Variants in ASIC2 observed in about 807,000 individuals in gnomAD.
ASIC2 encodes acid sensing ion channel subunit 2.
A neutral mutation model predicts 57.3 loss-of-function variants in ASIC2; 25 were observed. The ratio of observed to expected loss-of-function variants is 0.44; its 90% CI spans 0.32 to 0.61. The LOEUF is 0.61. Ranked by LOEUF, ASIC2 falls within the 20% of genes least tolerant of loss-of-function variation. The pLI is 0.06. For missense variants in ASIC2, 641 were observed against 738.1 expected (o/e 0.87, Z 1.52); for synonymous variants, 319 against 307.5 (o/e 1.04, Z -0.39).
chr17:33,318,126 G>A (rs1906730783), intron 1 of ASIC2, among the ~76,000 whole-genome samples: 1 of 152,114 alleles, frequency 6.6e-6, no homozygotes. Context: ...CGACATTGCG[G>A]GGTGGGTGGA....
intron 1 of ASIC2, among the ~76,000 whole-genome samples, chr17:33,945,460 T>C (rs1301122711): frequency 6.6e-6 from 1 of 152,144 alleles, no homozygotes; most frequent in African/African-American, 2.4e-5. Context: ...AAAATGGTAC[T>C]AGACGACAAA....
At chr17:33,143,906 A>G (rs763830454) in intron 1 of ASIC2, among the ~76,000 whole-genome samples, 1 of 152,200 alleles carries the variant, frequency 6.6e-6, no homozygotes, top group Non-Finnish European at 1.5e-5. Flanking sequence ...ATGTCCAACA[A>G]TAGGAGAAAG....
chr17:33,597,926 G>A (rs536210112), intron 1 of ASIC2, among the ~76,000 whole-genome samples: 2 of 151,864 alleles, frequency 1.3e-5, no homozygotes, highest in African/African-American at 2.4e-5. Flanking sequence ...AATTCAATAC[G>A]TGCAGAATGT....
intron 3 of ASIC2, 23 bp from the exon 4 acceptor site, chr17:33,028,415 C>T (rs534606534): frequency 1.2e-5 from 19 of 1,613,220 alleles, no homozygotes; most frequent in Admixed American, 1.2e-4. Context: ...AAGGAGGGGG[C>T]GGCAGTCAGC....
chr17:34,154,945 C>T (rs1904658510), intron 1 of ASIC2, among the ~76,000 whole-genome samples: 1 of 152,106 alleles, frequency 6.6e-6, no homozygotes, highest in Non-Finnish European at 1.5e-5. Flanking sequence ...CAAGTTATGC[C>T]TAGCAGCCCA....
intron 1 of ASIC2, among the ~76,000 whole-genome samples, chr17:33,721,382 T>C (rs557257371): frequency 1.3e-5 from 2 of 152,346 alleles, no homozygotes; most frequent in South Asian, 4.1e-4. Flanking sequence ...CAATGAAATA[T>C]GATCAGAGAT....
intron 1 of ASIC2, among the ~76,000 whole-genome samples, chr17:33,443,595 T>C (rs909688014): frequency 6.7e-6 from 1 of 149,912 alleles, no homozygotes; most frequent in African/African-American, 2.5e-5. Flanking sequence ...TTTTTGTATT[T>C]TTAGTAGAGA....
chr17:33,661,944 T>C (rs944036447), intron 1 of ASIC2, among the ~76,000 whole-genome samples: 2 of 152,218 alleles, frequency 1.3e-5, no homozygotes, highest in Admixed American at 1.3e-4. Flanking sequence ...TACTTCGCTC[T>C]GTCCCCCTCT....
At chr17:34,125,358 G>A (rs1017982373) in intron 1 of ASIC2, among the ~76,000 whole-genome samples, 2 of 152,130 alleles carry the variant, frequency 1.3e-5, no homozygotes, top group African/African-American at 4.8e-5. Context: ...ATTAACTTGG[G>A]TGCAGATGAT....
At chr17:33,306,711 C>T (rs1401710304) in intron 1 of ASIC2, among the ~76,000 whole-genome samples, 1 of 152,146 alleles carries the variant, frequency 6.6e-6, no homozygotes, top group South Asian at 2.1e-4. Context: ...TAACTGGGCT[C>T]CTTGTCTTTG....
intron 1 of ASIC2, among the ~76,000 whole-genome samples, chr17:34,119,606 TACACAG>T (rs796900987): frequency 0.027 from 3,408 of 127,492 alleles, 143 homozygotes; most frequent in African/African-American, 0.11. Flanking sequence ...TCCCTTTCTC[TACACAG>T]ACACACACAC....
chr17:34,138,220 T>TA (rs1912177008), intron 1 of ASIC2, among the ~76,000 whole-genome samples: 1 of 151,792 alleles, frequency 6.6e-6, no homozygotes, highest in Admixed American at 6.6e-5. Flanking sequence ...ATGAGAGGAG[T>TA]AAAAGTACCT....
At chr17:33,055,143 A>C (rs950830753) in intron 3 of ASIC2, among the ~76,000 whole-genome samples, 3 of 152,194 alleles carry the variant, frequency 2.0e-5, no homozygotes, top group Non-Finnish European at 4.4e-5. Context: ...CATAGGTTTT[A>C]CAAGCTCAAA....
At chr17:33,481,768 G>A (rs980085015) in intron 1 of ASIC2, among the ~76,000 whole-genome samples, 1 of 152,188 alleles carries the variant, frequency 6.6e-6, no homozygotes, top group Non-Finnish European at 1.5e-5. Flanking sequence ...TTGGGCTAGA[G>A]TTCTGTGCCT....
chr17:33,787,359 C>A (rs2142133456), intron 1 of ASIC2, among the ~76,000 whole-genome samples: 1 of 152,288 alleles, frequency 6.6e-6, no homozygotes, highest in South Asian at 2.1e-4. Flanking sequence ...GGGACCAGAC[C>A]TGTATTCACA....
intron 1 of ASIC2, among the ~76,000 whole-genome samples, chr17:33,113,865 T>G (rs1392654906): frequency 6.6e-6 from 1 of 152,214 alleles, no homozygotes; most frequent in African/African-American, 2.4e-5. Flanking sequence ...ATCTGTCTGA[T>G]TCTAACACAT....
intron 1 of ASIC2, among the ~76,000 whole-genome samples, chr17:33,761,588 C>T (rs1369725044): frequency 2.6e-5 from 4 of 152,134 alleles, no homozygotes; most frequent in African/African-American, 4.8e-5. Flanking sequence ...AGATGGAAGA[C>T]GTGAGCTTAT....
chr17:33,769,175 C>T (rs1911021644), intron 1 of ASIC2, among the ~76,000 whole-genome samples: 1 of 152,252 alleles, frequency 6.6e-6, no homozygotes. Context: ...CAGGGGCCAA[C>T]TGAGCTGCTA....
chr17:33,977,955 A>G (rs1300898966), intron 1 of ASIC2, among the ~76,000 whole-genome samples: 4 of 152,152 alleles, frequency 2.6e-5, no homozygotes, highest in Non-Finnish European at 5.9e-5. Flanking sequence ...TTGCCAGCTC[A>G]TGGCATCATG....
Sources: allele counts gnomAD v4.1 joint callset (sites outside exome capture counted in the v4.1 genomes callset), GRCh38; gene constraint gnomAD v4.1.1; transcripts MANE v1.5; gene names NCBI Gene and HGNC (gene_info 2026-07-23, HGNC 2026-07-21).